Variants in ERC2 observed in about 807,000 individuals in gnomAD.
The protein encoded by ERC2 is ERC protein 2.
ERC2 carries 42 observed loss-of-function variants against 114.8 expected under a neutral mutation model. That is an observed-to-expected ratio of 0.37 (90% CI 0.29 to 0.47). ERC2 has a LOEUF of 0.47. Among genes scored for constraint, ERC2 ranks in the 20% least tolerant of loss-of-function variants. The pLI is 0.99. For synonymous variants in ERC2, 454 were observed against 425.5 expected, an observed-to-expected ratio of 1.07 and a Z score of -0.82; for missense variants, 939 against 1,150.7, an observed-to-expected ratio of 0.82 and a Z score of 2.66.
At chr3:55,678,675 T>C (rs986750438) in intron 17 of ERC2, among the ~76,000 whole-genome samples, 2 of 152,208 alleles carry the variant, frequency 1.3e-5, no homozygotes, top group African/African-American at 2.4e-5. Flanking sequence ...CCTGCTGATA[T>C]GCAGGAACAT....
chr3:55,549,929 CAAGAGAGA>C (rs2055040609), intron 17 of ERC2, among the ~76,000 whole-genome samples: 1 of 68,706 alleles, frequency 1.5e-5, no homozygotes, highest in African/African-American at 4.3e-5. Flanking sequence ...CCGACACACA[CAAGAGAGA>C]GAGAGAGAGA....
chr3:55,993,792 CTG>C (rs2071269630), intron 10 of ERC2, among the ~76,000 whole-genome samples: 1 of 152,020 alleles, frequency 6.6e-6, no homozygotes, highest in African/African-American at 2.4e-5. Flanking sequence ...ACTATGCACT[CTG>C]TGTTTCATTA....
chr3:55,839,187 T>C (rs1575792474), intron 14 of ERC2, among the ~76,000 whole-genome samples: 1 of 151,794 alleles, frequency 6.6e-6, no homozygotes, highest in African/African-American at 2.4e-5. Context: ...ACATTTTTAA[T>C]ATACCAAAAG....
Position 55,614,034 on chromosome 3 carries a change from T to TTTGGCCATCAG in ERC2, c.*39+69749_*39+69759dup, listed in dbSNP as rs1293549827. On this transcript the variant is annotated intron_variant, in intron 17 of 17. Coordinates refer to ENST00000288221, the MANE Select transcript of ERC2 (RefSeq NM_015576.3). ...AAAAAGAAGACATGGCTGGGCTACT[T>TTTGGCCATCAG]TTGGCCATCAGTGGTAAGACCTGGA... Among the ~76,000 whole-genome samples the TTTGGCCATCAG allele has an allele frequency of 2.7e-5, 4 of 145,994 alleles. No individual in the cohort carries two copies. The Admixed American group carries it at 2.7e-4, about 10-fold the overall frequency.
chr3:56,301,331 T>G (rs371606639), intron 2 of ERC2, among the ~76,000 whole-genome samples: 1 of 152,234 alleles, frequency 6.6e-6, no homozygotes, highest in Non-Finnish European at 1.5e-5. Context: ...TTTCTTTTAG[T>G]TTTCATTTTC....
chr3:56,295,330 C>A (rs896535308), intron 3 of ERC2, among the ~76,000 whole-genome samples: 1 of 151,854 alleles, frequency 6.6e-6, no homozygotes, highest in African/African-American at 2.4e-5. Flanking sequence ...CCTTGGCAGT[C>A]ATCCACATTT....
rs184785722 is a variant in ERC2, at chr3:55,934,865, A to C, written c.2403+15560T>G. On this transcript the variant is annotated intron_variant, in intron 13 of 17. Coordinates refer to ENST00000288221, the MANE Select transcript of ERC2 (RefSeq NM_015576.3). ...TCAAAACCCAATCAGTATATTATTT[A>C]TATGATGCTTAAAAATTAGCTTGCT... 4.3e-3 allele frequency among the ~76,000 whole-genome samples: 654 copies of C among 152,350 alleles called. 4 individuals carry two copies. The highest frequency in any genetic ancestry group is 7.0e-3 in the Non-Finnish European group (477 of 68,030).
chr3:55,896,585 G>T (rs1351905560), intron 13 of ERC2, among the ~76,000 whole-genome samples: 1 of 152,190 alleles, frequency 6.6e-6, no homozygotes, highest in Non-Finnish European at 1.5e-5. Flanking sequence ...TTTAGAAAAG[G>T]TGTTTAATTG....
At chr3:56,159,837 T>C (rs2081956853) in intron 4 of ERC2, among the ~76,000 whole-genome samples, 1 of 152,246 alleles carries the variant, frequency 6.6e-6, no homozygotes, top group African/African-American at 2.4e-5. Flanking sequence ...GGACATGGTT[T>C]CATTCTTTTT....
intron 2 of ERC2, among the ~76,000 whole-genome samples, chr3:56,299,096 GTTT>G (rs201679966): frequency 9.2e-5 from 13 of 141,646 alleles, no homozygotes; most frequent in African/African-American, 3.3e-4. Context: ...TAGGTAGATA[GTTT>G]TTTTTTGTTT....
At chr3:56,033,503 G>A (rs1469443454) in intron 7 of ERC2, among the ~76,000 whole-genome samples, 2 of 152,178 alleles carry the variant, frequency 1.3e-5, no homozygotes, top group East Asian at 3.8e-4. Context: ...GTATAGTGGT[G>A]ACGAGCTTCT....
At chr3:55,591,075 C>T (rs986772551) in intron 17 of ERC2, among the ~76,000 whole-genome samples, 2 of 152,154 alleles carry the variant, frequency 1.3e-5, no homozygotes, top group African/African-American at 4.8e-5. Context: ...GGTCCACCCA[C>T]CTTGGCCTCC....
At chr3:55,534,653 G>A (rs1321236319) in intron 17 of ERC2, among the ~76,000 whole-genome samples, 4 of 152,150 alleles carry the variant, frequency 2.6e-5, no homozygotes, top group South Asian at 2.1e-4. Flanking sequence ...CTGAGATTAC[G>A]TCACTGCACT....
intron 4 of ERC2, among the ~76,000 whole-genome samples, chr3:56,172,136 G>A (rs4974172): frequency 6.6e-6 from 1 of 151,530 alleles, no homozygotes; most frequent in Non-Finnish European, 1.5e-5. Context: ...CCCCAGTGTA[G>A]AATGTTCAGT....
At chr3:56,000,822 G>A (rs2071988585) in intron 10 of ERC2, among the ~76,000 whole-genome samples, 1 of 151,852 alleles carries the variant, frequency 6.6e-6, no homozygotes, top group African/African-American at 2.4e-5. Flanking sequence ...AGAGGCTGAG[G>A]CAGGAGGATC....
chr3:55,721,369 T>C (rs1187031024), intron 15 of ERC2, among the ~76,000 whole-genome samples: 1 of 152,258 alleles, frequency 6.6e-6, no homozygotes, highest in African/African-American at 2.4e-5. Context: ...GAACAATGCA[T>C]CTTCTCTACT....
intron 6 of ERC2, among the ~76,000 whole-genome samples, chr3:56,119,176 C>T (rs893335751): frequency 1.3e-5 from 2 of 152,170 alleles, no homozygotes; most frequent in East Asian, 3.9e-4. Flanking sequence ...TTGACCTCTG[C>T]TTTAAACCAT....
At chr3:55,778,597 G>C (rs1480809968) in intron 14 of ERC2, among the ~76,000 whole-genome samples, 1 of 152,170 alleles carries the variant, frequency 6.6e-6, no homozygotes, top group Non-Finnish European at 1.5e-5. Flanking sequence ...AATGAGCAAA[G>C]CTGTAAGATA....
At chr3:56,229,230 C>T (rs2050449663) in intron 3 of ERC2, among the ~76,000 whole-genome samples, 1 of 152,162 alleles carries the variant, frequency 6.6e-6, no homozygotes, top group Non-Finnish European at 1.5e-5. Context: ...AATAGGTATT[C>T]ATATGTTATT....
Sources: gnomAD v4.1 joint callset for allele counts (sites outside exome capture counted in the v4.1 genomes callset) on GRCh38, gnomAD v4.1.1 for gene constraint, MANE v1.5 for transcripts, NCBI Gene and HGNC (gene_info 2026-07-23, HGNC 2026-07-21) for gene names.